Variants in CHRNB3 observed in about 807,000 individuals in gnomAD.
The protein encoded by CHRNB3 is cholinergic receptor nicotinic beta 3 subunit.
Under a neutral mutation model 40.6 loss-of-function variants are expected in CHRNB3, and 37 were observed. That is an observed-to-expected ratio of 0.91 (90% confidence interval 0.70 to 1.20). The LOEUF (loss-of-function observed/expected upper bound fraction) is 1.20. Among genes scored for constraint, CHRNB3 ranks in the 50% most tolerant of loss-of-function variants. The probability of loss-of-function intolerance (pLI) is 0.00; values close to 1 mark genes in which losing one functional copy is unlikely to be tolerated. For synonymous variants in CHRNB3, 207 were observed against 207.1 expected (o/e 1.00, Z 0.00); for missense variants, 505 against 551.2 (o/e 0.92, Z 0.84).
intron 2 of CHRNB3, 33 bp downstream of exon 2, chr8:42,708,901 C>A: frequency 6.3e-7 from 1 of 1,594,378 alleles, no homozygotes; most frequent in Non-Finnish European, 8.6e-7. Context: ...CTAAAAAGAA[C>A]ATGCATTCCT....
intron 3 of CHRNB3, among the ~76,000 whole-genome samples, chr8:42,727,201 T>C (rs7818711): frequency 0.057 from 8,700 of 151,532 alleles, 330 homozygotes; most frequent in Middle Eastern, 0.11. Flanking sequence ...AGTGAAACCC[T>C]GTCTCTACTA....
chr8:42,701,246 G>C (rs150331608), intron 1 of CHRNB3, among the ~76,000 whole-genome samples: 1 of 60,274 alleles, frequency 1.7e-5, no homozygotes, highest in Non-Finnish European at 4.3e-5. Context: ...AAAAAAAAAA[G>C]AATAAAGAGA....
At chr8:42,736,397 G>T in intron 5 of CHRNB3, 87 bp from the exon 6 acceptor site, 1 of 1,478,340 alleles carries the variant, frequency 6.8e-7, no homozygotes. Context: ...CTATAAATCT[G>T]AATGTTACTC....
intron 1 of CHRNB3, among the ~76,000 whole-genome samples, chr8:42,700,228 G>T (rs1039509801): frequency 1.3e-5 from 2 of 152,048 alleles, no homozygotes; most frequent in Admixed American, 1.3e-4. Flanking sequence ...TGTTAGCCAG[G>T]ATGGTCTCAA....
At position 42,703,422 on chromosome 8, in the gene CHRNB3, T is replaced by TAAAAAAAAAA. The variant is rs1202825994; in HGVS notation, c.53-5290_53-5281dup. On this transcript the variant is annotated intron_variant, in intron 1 of 5. Transcript: ENST00000289957. ...CGGGGTGACAGAGCAAGACTTCGTC[T>TAAAAAAAAAA]AAAAAAAAAAAAAATATTTATATAT... Among the ~76,000 whole-genome samples the TAAAAAAAAAA allele has an allele frequency of 2.3e-4, 6 of 26,440 alleles. 1 individual carries two copies. Among genetic ancestry groups the TAAAAAAAAAA allele is most frequent in the Middle Eastern group, 0.048 (2 of 42 alleles). 17.3% of individuals were successfully genotyped at this position (26,440 alleles called of 152,430 possible).
chr8:42,702,147 G>A (rs1815817218), intron 1 of CHRNB3, among the ~76,000 whole-genome samples: 1 of 152,164 alleles, frequency 6.6e-6, no homozygotes, highest in South Asian at 2.1e-4. Flanking sequence ...GTGCACAGGA[G>A]ATGACCAGCA....
At chr8:42,722,743 A>C (rs1816241095) in intron 3 of CHRNB3, among the ~76,000 whole-genome samples, 2 of 151,878 alleles carry the variant, frequency 1.3e-5, no homozygotes, top group Non-Finnish European at 2.9e-5. Flanking sequence ...TTGTTGTTTA[A>C]TTTTTGAAGA....
intron 1 of CHRNB3, 111 bp from the exon 2 acceptor site, chr8:42,708,601 TTTAGA>T: frequency 5.0e-6 from 6 of 1,200,566 alleles, no homozygotes; most frequent in Non-Finnish European, 7.1e-6. Context: ...AACTGGGCTG[TTTAGA>T]AACAGACACA....
At chr8:42,736,234 A>C (rs1374884595) in intron 5 of CHRNB3, among the ~76,000 whole-genome samples, 1 of 152,314 alleles carries the variant, frequency 6.6e-6, no homozygotes, top group East Asian at 1.9e-4. Flanking sequence ...TGACATATGC[A>C]TACAGAATTC....
At position 42,732,426 on chromosome 8, in the gene CHRNB3, C is replaced by T. The variant is rs767986037; in HGVS notation, c.1119C>T (p.Leu373=). ...AACCAGTAGTGAAAGGCAAAGTCCTCGAAAAAAAGAAACAGAAACAGCTTA... is the reference window on the plus strand; with the variant it reads ...AACCAGTAGTGAAAGGCAAAGTCCTTGAAAAAAAGAAACAGAAACAGCTTA... ...ESQPVVKGKV[L]EKKKQKQLSD... The change falls in exon 5 of 6, where the codon CTC becomes CTT. Residue 373 remains leucine, a synonymous_variant. Coordinates refer to ENST00000289957, the MANE Select transcript of CHRNB3 (RefSeq NM_000749.5). 1.4e-5 allele frequency: 23 copies of T among 1,613,080 alleles called. No individual in the cohort carries two copies. Among genetic ancestry groups the T allele is most frequent in the Admixed American group, 5.0e-5 (3 of 59,830 alleles).
chr8:42,708,922 A>G, intron 2 of CHRNB3, 54 bp downstream of exon 2: 1 of 1,508,512 alleles, frequency 6.6e-7, no homozygotes, highest in South Asian at 1.3e-5. Context: ...TAACCTGTTT[A>G]TGAGTCTAAA....
rs1169333899 is a variant in CHRNB3 at position 42,717,373 on chromosome 8, CAAAAAAAAAAAAAAA to C, written c.249+6957_249+6971del. Reference sequence around the variant, plus strand: ...TGGGTGACAGAGCGAGACTCCGTCTCAAAAAAAAAAAAAAAAAAAAAAAAAAAAAAAAGCCGACCT... The same window carrying C: ...TGGGTGACAGAGCGAGACTCCGTCTCAAAAAAAAAAAAAAAAAGCCGACCT... On this transcript the variant is annotated intron_variant, in intron 3 of 5. Coordinates refer to ENST00000289957, the MANE Select transcript of CHRNB3 (RefSeq NM_000749.5). Among the ~76,000 whole-genome samples the C allele has an allele frequency of 1.8e-3, 20 of 11,198 alleles. 3 individuals carry two copies. Among genetic ancestry groups the C allele is most frequent in the African/African-American group, 3.6e-3 (13 of 3,644 alleles). 7.3% of individuals were successfully genotyped at this position (11,198 alleles called of 152,430 possible).
rs1188165904 is a variant in CHRNB3 at position 42,736,658 on chromosome 8, G to C, written c.*40G>C. ...TAAGACTAAATTACACCTTAGACCT[G>C]ACATCTGGCTATCACACAGACAGAA... On this transcript the variant is annotated 3_prime_UTR_variant, in exon 6 of 6. Coordinates refer to ENST00000289957, the MANE Select transcript of CHRNB3 (RefSeq NM_000749.5). The C allele has an allele frequency of 1.9e-6, 3 of 1,610,416 alleles. No homozygotes were observed. The South Asian group carries it at 3.3e-5, about 18-fold the overall frequency.
chr8:42,701,371 A>C (rs115947754), intron 1 of CHRNB3, among the ~76,000 whole-genome samples: 1,710 of 151,888 alleles, frequency 0.011, 35 homozygotes, highest in African/African-American at 0.04. Context: ...TGAGAGACAT[A>C]CGTCTCTACA....
intron 3 of CHRNB3, among the ~76,000 whole-genome samples, chr8:42,712,118 G>A (rs984191081): frequency 1.3e-5 from 2 of 151,768 alleles, no homozygotes; most frequent in South Asian, 2.1e-4. Flanking sequence ...TCAGCCTCCC[G>A]AGTAGCAGGG....
chr8:42,729,856 C>T (rs993212202), intron 3 of CHRNB3, among the ~76,000 whole-genome samples: 2 of 152,090 alleles, frequency 1.3e-5, no homozygotes, highest in Admixed American at 1.3e-4. Flanking sequence ...ATACATCATC[C>T]TCTTGACCTT....
chr8:42,709,006 A>G, intron 2 of CHRNB3, 138 bp downstream of exon 2: 1 of 921,224 alleles, frequency 1.1e-6, no homozygotes, highest in South Asian at 2.2e-5. Flanking sequence ...TGCCCCCAAG[A>G]AGCCACTAAA....
Position 42,732,264 on chromosome 8 carries a change from C to T in CHRNB3, c.957C>T (p.Asn319=), listed in dbSNP as rs750996977. 4 of 1,611,162 alleles carry T rather than the reference C, an allele frequency of 2.5e-6. No homozygotes were observed. The highest frequency in any genetic ancestry group is 4.5e-5 in the East Asian group (2 of 44,884). ...LSIIVTVFVI[N]VHHRSSSTYH... ...TCATTGTTACCGTGTTTGTCATTAA[C>T]GTTCACCACAGATCTTCTTCCACGT... Residue 319 remains asparagine, a synonymous_variant, in exon 5 of 6, where the codon AAC becomes AAT. Transcript: ENST00000289957.
rs1445568351 is a variant in CHRNB3, at chr8:42,697,545, C to T, written c.-2C>T. On this transcript the variant is annotated 5_prime_UTR_variant, in exon 1 of 6. In the 5' UTR this introduces an upstream ATG that the reference lacks. Transcript: ENST00000289957. ...AACTGTCTTTCTGAAACTGACATCACGATGCTCCCAGATTTTATGCTGGTT... is the reference window on the plus strand; with the variant it reads ...AACTGTCTTTCTGAAACTGACATCATGATGCTCCCAGATTTTATGCTGGTT... 10 of 1,612,264 alleles carry T rather than the reference C, an allele frequency of 6.2e-6. No individual in the cohort carries two copies. The highest frequency in any genetic ancestry group is 2.2e-5 in the East Asian group (1 of 44,892).
Sources: gnomAD v4.1 joint callset for allele counts (sites outside exome capture counted in the v4.1 genomes callset) on GRCh38, gnomAD v4.1.1 for gene constraint, MANE v1.5 for transcripts, NCBI Gene and HGNC (gene_info 2026-07-23, HGNC 2026-07-21) for gene names.